Variants in AGPAT3 observed in about 807,000 individuals in gnomAD.
AGPAT3 encodes 1-acyl-sn-glycerol-3-phosphate acyltransferase gamma.
AGPAT3 carries 5 observed loss-of-function variants against 47.3 expected under a neutral mutation model. The observed-to-expected ratio is 0.11, with a 90% confidence interval of 0.06 to 0.22. The LOEUF is 0.22. Ranked by LOEUF, AGPAT3 falls within the 10% of genes least tolerant of loss-of-function variation. The probability of loss-of-function intolerance (pLI) is 1.00; values close to 1 mark genes in which losing one functional copy is unlikely to be tolerated. For synonymous variants in AGPAT3, 212 were observed against 208.3 expected (o/e 1.02, Z -0.15); for missense variants, 315 against 493.0 (o/e 0.64, Z 3.42).
At chr21:43,966,375 G>A (rs2089127746) in intron 3 of AGPAT3, 1 of 152,342 alleles carries the variant, frequency 6.6e-6, no homozygotes, top group East Asian at 1.9e-4. Flanking sequence ...GCCAGCGGTG[G>A]GGGCGCCCCT....
intron 6 of AGPAT3, 115 bp from the exon 7 acceptor site, chr21:43,971,273 C>T (rs1601461100): frequency 1.2e-6 from 1 of 836,966 alleles, no homozygotes; most frequent in East Asian, 2.4e-5. Flanking sequence ...GGCCAGACCC[C>T]TCACGCGTTC....
chr21:43,961,020 A>G (rs2088806570), intron 3 of AGPAT3, among the ~76,000 whole-genome samples: 1 of 152,034 alleles, frequency 6.6e-6, no homozygotes, highest in South Asian at 2.1e-4. Flanking sequence ...CACACCTGTA[A>G]TCCCAGCTAC....
intron 1 of AGPAT3, among the ~76,000 whole-genome samples, chr21:43,879,831 T>C (rs1306680980): frequency 6.6e-6 from 1 of 152,044 alleles, no homozygotes; most frequent in Admixed American, 6.6e-5. Flanking sequence ...AGCAGAGCAA[T>C]CTAGAAGCGA....
chr21:43,940,023 A>G (rs1253869115), intron 2 of AGPAT3, among the ~76,000 whole-genome samples: 1 of 152,080 alleles, frequency 6.6e-6, no homozygotes, highest in Non-Finnish European at 1.5e-5. Context: ...CTCTGTGACT[A>G]GAAGGACAGT....
At chr21:43,931,001 G>A (rs1261710228) in intron 2 of AGPAT3, among the ~76,000 whole-genome samples, 1 of 152,182 alleles carries the variant, frequency 6.6e-6, no homozygotes, top group Non-Finnish European at 1.5e-5. Context: ...ACGCACGTCT[G>A]AGGCTCATCA....
At chr21:43,931,999 A>G (rs1467001218) in intron 2 of AGPAT3, among the ~76,000 whole-genome samples, 2 of 151,604 alleles carry the variant, frequency 1.3e-5, no homozygotes, top group Non-Finnish European at 2.9e-5. Context: ...TCATCTATCT[A>G]TAATTGACAA....
rs965144778 is a variant in AGPAT3, at chr21:43,874,737, C to G, written c.-112+9392C>G. ...TTCAACTTGACTGTGGTCTTTCTAG[C>G]ATGGATTTCTTTTTGTTTATCCTGT... On this transcript the variant is annotated intron_variant, in intron 1 of 9. Transcript: ENST00000291572. 2.0e-5 allele frequency among the ~76,000 whole-genome samples: 3 copies of G among 152,172 alleles called. No homozygotes were observed. The South Asian group carries it at 6.2e-4, about 32-fold the overall frequency.
intron 1 of AGPAT3, among the ~76,000 whole-genome samples, chr21:43,903,355 G>A (rs1420618125): frequency 6.6e-6 from 1 of 152,152 alleles, no homozygotes; most frequent in African/African-American, 2.4e-5. Flanking sequence ...CAGTGGGAAT[G>A]GACATAAAGC....
Position 43,954,160 on chromosome 21 carries a change from C to T in AGPAT3, c.-48-5474C>T, listed in dbSNP as rs2088329136. On this transcript the variant is annotated intron_variant, in intron 2 of 9. Coordinates refer to ENST00000291572, the MANE Select transcript of AGPAT3 (RefSeq NM_020132.5). The surrounding 1 kb of genome is among the most constrained non-coding windows in gnomAD (Gnocchi z 4.0). ...TCCCAATGCTTTCCTGCTCTGCCAG[C>T]CCAAAGGACTTTGAAGCTGGAGGCG... Among the ~76,000 whole-genome samples the T allele has an allele frequency of 6.6e-6, 1 of 152,256 alleles. No homozygotes were observed. Among genetic ancestry groups the T allele is most frequent in the Non-Finnish European group, 1.5e-5 (1 of 68,046 alleles).
intron 1 of AGPAT3, among the ~76,000 whole-genome samples, chr21:43,884,109 AC>A (rs1404007859): frequency 6.6e-6 from 1 of 152,090 alleles, no homozygotes; most frequent in African/African-American, 2.4e-5. Flanking sequence ...TACCTCTGTC[AC>A]CAGAGATGAG....
At chr21:43,948,708 T>G (rs2088031068) in intron 2 of AGPAT3, among the ~76,000 whole-genome samples, 1 of 152,354 alleles carries the variant, frequency 6.6e-6, no homozygotes, top group South Asian at 2.1e-4. Context: ...GCTAAAAGAT[T>G]CTCATGAACC....
At chr21:43,926,636 CTTTTTTTTTTTTTTTTTTTTT>C (rs557494803) in intron 2 of AGPAT3, among the ~76,000 whole-genome samples, 1 of 86,538 alleles carries the variant, frequency 1.2e-5, no homozygotes, top group Non-Finnish European at 2.1e-5. Context: ...CTACGCTGGC[CTTTTTTTTTTTTTTTTTTTTT>C]TTTTTTTTAA....
At position 43,981,108 on chromosome 21, in the gene AGPAT3, C is replaced by T; in HGVS notation, c.963C>T (p.Pro321=). Residue 321 remains proline, a synonymous_variant, in exon 9 of 10, where the codon CCC becomes CCT. Transcript: ENST00000291572. This position sits in a 1 kb window ranked among gnomAD's most constrained non-coding sequence, Gnocchi z 5.3. ...CCTGGGCCACCATTCTCCTGTCTCC[C>T]CTCTTCAGTTTTGTCTTGGGCGTCT... ...FLSWATILLS[P]LFSFVLGVFA... is the part of the protein sequence containing the mutation. The T allele has an allele frequency of 1.2e-6, 2 of 1,614,156 alleles. No individual in the cohort carries two copies. The highest frequency in any genetic ancestry group is 1.7e-6 in the Non-Finnish European group (2 of 1,180,046).
At chr21:43,904,718 G>A (rs915609010) in intron 2 of AGPAT3, among the ~76,000 whole-genome samples, 3 of 152,152 alleles carry the variant, frequency 2.0e-5, no homozygotes, top group Non-Finnish European at 4.4e-5. Flanking sequence ...GCTCCCATGT[G>A]TTCCACCCCC....
Position 43,967,790 on chromosome 21 carries a change from A to G in AGPAT3, c.179-156A>G, listed in dbSNP as rs528894771. 279 of 710,096 alleles carry G rather than the reference A, an allele frequency of 3.9e-4. 3 individuals are homozygous for G. In the East Asian group the frequency reaches 7.8e-3, roughly 20 times the overall value. The allele number at this position is 710,096 out of a possible 1,614,324, so 44.0% of individuals were successfully genotyped here. A position where few individuals can be genotyped will look rare whatever the true frequency, so the allele number is the denominator to read the frequency against. ...CTGTTGCTTAGAGAAAGTTATTGTAATTTCATAAAACGTACTCAGTGTAAG... is the reference window on the plus strand; with the variant it reads ...CTGTTGCTTAGAGAAAGTTATTGTAGTTTCATAAAACGTACTCAGTGTAAG... On this transcript the variant is annotated intron_variant, in intron 3 of 9. Coordinates refer to ENST00000291572, the MANE Select transcript of AGPAT3 (RefSeq NM_020132.5).
chr21:43,960,198 CCTGCCCACA>C (rs2088761883), intron 3 of AGPAT3, among the ~76,000 whole-genome samples: 1 of 152,228 alleles, frequency 6.6e-6, no homozygotes, highest in African/African-American at 2.4e-5. Flanking sequence ...CCTCGTGTGT[CCTGCCCACA>C]CTGCGCCAAC....
chr21:43,935,096 G>C (rs554071412), intron 2 of AGPAT3, among the ~76,000 whole-genome samples: 1 of 152,246 alleles, frequency 6.6e-6, no homozygotes, highest in Non-Finnish European at 1.5e-5. Flanking sequence ...GGACAGGGGG[G>C]GCTTCTCACC....
At chr21:43,905,189 ATTTAT>A (rs1438931482) in intron 2 of AGPAT3, among the ~76,000 whole-genome samples, 1 of 146,548 alleles carries the variant, frequency 6.8e-6, no homozygotes, top group Non-Finnish European at 1.5e-5. Context: ...TTATTTATTT[ATTTAT>A]TTATTTATTT....
rs577954559 is a variant in AGPAT3 at position 43,920,930 on chromosome 21, G to A, written c.-49+16911G>A. 1.1e-4 allele frequency among the ~76,000 whole-genome samples: 16 copies of A among 152,282 alleles called. No homozygotes were observed. The highest frequency in any genetic ancestry group is 2.1e-4 in the Non-Finnish European group (14 of 68,018). On this transcript the variant is annotated intron_variant, in intron 2 of 9. Coordinates refer to ENST00000291572, the MANE Select transcript of AGPAT3 (RefSeq NM_020132.5). This position sits in a 1 kb window ranked among gnomAD's most constrained non-coding sequence, Gnocchi z 6.1. ...CACGAGGTCAGGAGATCAAGACCAC[G>A]GTGAAACCCCATATCTACTAAAAAT...
Sources: gnomAD v4.1 joint callset for allele counts (sites outside exome capture counted in the v4.1 genomes callset) on GRCh38, gnomAD v4.1.1 for gene constraint, Gnocchi (gnomAD v3.1) non-coding constraint, MANE v1.5 for transcripts, NCBI Gene and HGNC (gene_info 2026-07-23, HGNC 2026-07-21) for gene names.